The following ASIC2 variants were observed in gnomAD, a reference collection of about 807,000 sequenced individuals.
ASIC2 encodes the protein acid-sensing ion channel 2.
ASIC2 carries 25 observed loss-of-function variants against 57.3 expected under a neutral mutation model. That is an observed-to-expected ratio of 0.44 (90% CI 0.32 to 0.61). The LOEUF is 0.61. Among genes scored for constraint, ASIC2 ranks in the 20% least tolerant of loss-of-function variants. The probability of loss-of-function intolerance (pLI) is 0.06; values close to 1 mark genes in which losing one functional copy is unlikely to be tolerated. For missense variants in ASIC2, 641 were observed against 738.1 expected, an observed-to-expected ratio of 0.87 and a Z score of 1.52; for synonymous variants, 319 against 307.5, an observed-to-expected ratio of 1.04 and a Z score of -0.39.
At chr17:33,333,111 T>G (rs1907382216) in intron 1 of ASIC2, among the ~76,000 whole-genome samples, 1 of 152,198 alleles carries the variant, frequency 6.6e-6, no homozygotes, top group Admixed American at 6.5e-5. Flanking sequence ...AACCTTACTT[T>G]GGCAGGGTGA....
chr17:33,881,437 A>G (rs1249016967), intron 1 of ASIC2, among the ~76,000 whole-genome samples: 1 of 152,216 alleles, frequency 6.6e-6, no homozygotes, highest in African/African-American at 2.4e-5. Flanking sequence ...ATCAATGTGC[A>G]AAAATCACAA....
At chr17:33,193,329 C>T (rs184298795) in intron 1 of ASIC2, among the ~76,000 whole-genome samples, 5 of 152,280 alleles carry the variant, frequency 3.3e-5, no homozygotes, top group South Asian at 2.1e-4. Flanking sequence ...GAGATTTGTG[C>T]CCACAGGTCT....
intron 1 of ASIC2, among the ~76,000 whole-genome samples, chr17:33,573,950 G>A (rs2141993772): frequency 6.6e-6 from 1 of 152,256 alleles, no homozygotes; most frequent in African/African-American, 2.4e-5. Flanking sequence ...CAAGTTTCTG[G>A]TATTCAGCCA....
At chr17:34,115,696 C>T (rs908691197) in intron 1 of ASIC2, among the ~76,000 whole-genome samples, 2 of 152,160 alleles carry the variant, frequency 1.3e-5, no homozygotes, top group Non-Finnish European at 2.9e-5. Context: ...TGGCTTTGTT[C>T]CTAGACCCTG....
intron 1 of ASIC2, among the ~76,000 whole-genome samples, chr17:33,610,321 C>CT (rs1313278867): frequency 2.6e-5 from 4 of 151,950 alleles, no homozygotes; most frequent in East Asian, 1.9e-4. Context: ...CCATGCCTGG[C>CT]TTTTTTTGTA....
At chr17:33,417,615 T>A (rs1910892618) in intron 1 of ASIC2, among the ~76,000 whole-genome samples, 1 of 152,178 alleles carries the variant, frequency 6.6e-6, no homozygotes, top group Admixed American at 6.5e-5. Context: ...TCCAGTGAGA[T>A]ATGAGGTCTG....
At chr17:34,068,555 C>T (rs1446928144) in intron 1 of ASIC2, among the ~76,000 whole-genome samples, 4 of 152,210 alleles carry the variant, frequency 2.6e-5, no homozygotes. Flanking sequence ...GCCACTCACC[C>T]TCCCAGGGTC....
chr17:33,747,555 C>T (rs529712816), intron 1 of ASIC2, among the ~76,000 whole-genome samples: 24 of 152,198 alleles, frequency 1.6e-4, no homozygotes, highest in African/African-American at 5.3e-4. Context: ...ACCTGGAGAT[C>T]CGTTGTTTAT....
chr17:33,382,041 C>T (rs143062222), intron 1 of ASIC2, among the ~76,000 whole-genome samples: 4 of 152,246 alleles, frequency 2.6e-5, no homozygotes, highest in East Asian at 1.9e-4. Flanking sequence ...GTTAGTCCCA[C>T]GTTGGATCTC....
intron 2 of ASIC2, among the ~76,000 whole-genome samples, chr17:33,095,625 T>C (rs1334078689): frequency 6.6e-6 from 1 of 152,158 alleles, no homozygotes; most frequent in African/African-American, 2.4e-5. Flanking sequence ...TGGGTTCACA[T>C]GAAACCTGCT....
At chr17:33,928,753 A>G (rs1461617758) in intron 1 of ASIC2, among the ~76,000 whole-genome samples, 2 of 152,180 alleles carry the variant, frequency 1.3e-5, no homozygotes, top group Non-Finnish European at 2.9e-5. Flanking sequence ...AGCGGGTGCC[A>G]GCAGGAAAAT....
intron 1 of ASIC2, among the ~76,000 whole-genome samples, chr17:33,579,352 T>G (rs546707648): frequency 6.7e-6 from 1 of 150,340 alleles, no homozygotes; most frequent in African/African-American, 2.5e-5. Flanking sequence ...TGGAACACGA[T>G]GTGGCTTGGT....
In ASIC2 at chr17:33,241,052, A is replaced by G. The variant is rs114347095; in HGVS notation, c.708+50356T>C. On this transcript the variant is annotated intron_variant, in intron 1 of 9. Coordinates refer to ENST00000225823, the MANE Select transcript of ASIC2 (RefSeq NM_183377.2). ...ACATAAAAATCATAGATCACCTTTCATAGATCAGGACACTGAAGCCCAGGC... is the reference window on the plus strand; with the variant it reads ...ACATAAAAATCATAGATCACCTTTCGTAGATCAGGACACTGAAGCCCAGGC... Among the ~76,000 whole-genome samples, 501 of 152,246 alleles carry G rather than the reference A, an allele frequency of 3.3e-3. 4 individuals carry two copies. The highest frequency in any genetic ancestry group is 0.011 in the African/African-American group (464 of 41,536).
At chr17:33,952,029 C>T (rs1904592175) in intron 1 of ASIC2, among the ~76,000 whole-genome samples, 1 of 152,096 alleles carries the variant, frequency 6.6e-6, no homozygotes, top group South Asian at 2.1e-4. Flanking sequence ...ATAGTAAATG[C>T]ATTTTGTGCA....
chr17:33,814,206 T>G (rs1395306362), intron 1 of ASIC2, among the ~76,000 whole-genome samples: 1 of 152,124 alleles, frequency 6.6e-6, no homozygotes, highest in Non-Finnish European at 1.5e-5. Context: ...CAGCTGGAAG[T>G]GTAAGCCTAA....
chr17:33,948,590 C>A (rs1429549772), intron 1 of ASIC2, among the ~76,000 whole-genome samples: 1 of 152,238 alleles, frequency 6.6e-6, no homozygotes, highest in Non-Finnish European at 1.5e-5. Context: ...ACTAAGTCTG[C>A]ACTACACAGA....
chr17:34,132,385 G>A (rs565922648), intron 1 of ASIC2, among the ~76,000 whole-genome samples: 20 of 152,282 alleles, frequency 1.3e-4, no homozygotes, highest in Admixed American at 6.5e-5. Flanking sequence ...GACGGGTTGC[G>A]GCTGCTGGCT....
intron 1 of ASIC2, among the ~76,000 whole-genome samples, chr17:33,827,507 T>G (rs1912965670): frequency 1.7e-4 from 1 of 5,960 alleles, no homozygotes; most frequent in Non-Finnish European, 5.2e-4. Context: ...ATTTTTTGTC[T>G]TTTTTTTTTT....
intron 1 of ASIC2, among the ~76,000 whole-genome samples, chr17:33,798,378 A>G (rs1022905843): frequency 6.6e-6 from 1 of 152,196 alleles, no homozygotes; most frequent in Non-Finnish European, 1.5e-5. Context: ...TGATTCCCCA[A>G]AGTGAGGAGG....
Sources: gnomAD v4.1 joint callset for allele counts (sites outside exome capture counted in the v4.1 genomes callset) on GRCh38, gnomAD v4.1.1 for gene constraint, MANE v1.5 for transcripts, NCBI Gene and HGNC (gene_info 2026-07-23, HGNC 2026-07-21) for gene names.